EPG5: variants seen among roughly 807,000 people sequenced by gnomAD.
EPG5 encodes ectopic P-granules 5 autophagy tethering factor.
In EPG5, 159 loss-of-function variants were observed where a neutral mutation model predicts 302.7. The ratio of observed to expected loss-of-function variants is 0.53; its 90% CI spans 0.46 to 0.60. The LOEUF is 0.60. Among genes scored for constraint, EPG5 ranks in the 20% least tolerant of loss-of-function variants. EPG5 has a pLI of 0.00. For synonymous variants in EPG5, 1,158 were observed against 1,136.8 expected, an observed-to-expected ratio of 1.02 and a Z score of -0.37; for missense variants, 2,896 against 3,092.4, an observed-to-expected ratio of 0.94 and a Z score of 1.51.
At position 45,928,920 on chromosome 18, in the gene EPG5, T is replaced by C. The variant is rs2050336373; in HGVS notation, c.2502A>G (p.Ile834Met). Residue 834 changes from isoleucine to methionine, a missense_variant, in exon 13 of 44, where the codon ATA (isoleucine) becomes ATG (methionine). Physicochemically the swap from Ile to Met is conservative, Grantham distance 10 (BLOSUM62 1). Around this residue, in one of 5 missense-constraint regions of EPG5, gnomAD observed 1,390 missense variants for 1,430.0 expected, o/e 0.97. Coordinates refer to ENST00000282041, the MANE Select transcript of EPG5 (RefSeq NM_020964.3). The part of the protein sequence containing the change: ...LGTITAVHPE[I>M]ISVLLDRVQE... ...GAACTCTATCCAGAAGGACGGAAAT[T>C]ATCTCAGGGTGAACAGCTGTGATAG... 1.2e-6 allele frequency: 2 copies of C among 1,613,904 alleles called. No homozygotes were observed. Among genetic ancestry groups the C allele is most frequent in the Non-Finnish European group, 1.7e-6 (2 of 1,179,958 alleles).
the EPG5 span, among the ~76,000 whole-genome samples, chr18:45,810,819 A>T: frequency 6.6e-6 from 1 of 152,190 alleles, no homozygotes; most frequent in Non-Finnish European, 1.5e-5. Context: ...ATGATCCATG[A>T]TCAAGTGGAT....
intron 1 of EPG5, 89 bp downstream of exon 1, chr18:45,967,088 G>C: frequency 7.7e-7 from 1 of 1,295,092 alleles, no homozygotes. Flanking sequence ...CTCAGGGAAC[G>C]GGAGTAGAAT....
intron 9 of EPG5, 86 bp from the exon 10 acceptor site, chr18:45,939,841 A>C: frequency 7.8e-7 from 1 of 1,288,216 alleles, no homozygotes; most frequent in South Asian, 1.4e-5. Context: ...CATTTATTCA[A>C]CACATATTTA....
chr18:45,827,554 CTGCTGTT>C, the EPG5 span, among the ~76,000 whole-genome samples: 2 of 152,226 alleles, frequency 1.3e-5, no homozygotes, highest in African/African-American at 4.8e-5. Flanking sequence ...AAGCCCACCT[CTGCTGTT>C]TGCTGTTTAC....
chr18:45,964,944 ACT>A (rs2051218403), intron 1 of EPG5, among the ~76,000 whole-genome samples: 1 of 152,134 alleles, frequency 6.6e-6, no homozygotes, highest in African/African-American at 2.4e-5. Flanking sequence ...CAAAAGCGAA[ACT>A]CTGTCTCAAA....
the EPG5 span, among the ~76,000 whole-genome samples, chr18:45,813,961 T>A: frequency 6.6e-6 from 1 of 151,766 alleles, no homozygotes; most frequent in Admixed American, 6.6e-5. Flanking sequence ...ATTTAGAAAT[T>A]TGAAAAAAAA....
At chr18:45,838,358 C>G in the EPG5 span, among the ~76,000 whole-genome samples, 5 of 152,172 alleles carry the variant, frequency 3.3e-5, no homozygotes, top group Non-Finnish European at 7.4e-5. Context: ...ACCAGGGTCC[C>G]GTCCCTAGAG....
chr18:45,950,260 T>C (rs1430227529), intron 4 of EPG5, among the ~76,000 whole-genome samples: 2 of 152,216 alleles, frequency 1.3e-5, no homozygotes, highest in African/African-American at 4.8e-5. Context: ...CTTGGTGATA[T>C]GGTTTGGATG....
chr18:45,943,170 T>C lies in EPG5; in HGVS notation c.1934A>G (p.Tyr645Cys). Residue 645 changes from tyrosine to cysteine, a missense_variant, in exon 9 of 44, where the codon TAT becomes TGT. Physicochemically the swap from Tyr to Cys is radical, Grantham distance 194. Around this residue, in one of 5 missense-constraint regions of EPG5, gnomAD observed 1,390 missense variants for 1,430.0 expected, o/e 0.97. Transcript: ENST00000282041. The stretch of plus-strand genomic sequence containing the variant: ...GCAACAGCAGTATTACCTGATCATA[T>C]AACCAATTCGCTTCACAAACTGCCT... Reference protein sequence around the residue: ...RYRQFVKRIGYMIRMTLGYVS... With the variant: ...RYRQFVKRIGCMIRMTLGYVS... 16 of 1,614,150 alleles carry C rather than the reference T, an allele frequency of 9.9e-6. No individual in the cohort carries two copies. Among genetic ancestry groups the C allele is most frequent in the South Asian group, 2.2e-5 (2 of 91,086 alleles).
chr18:45,872,418 A>G (rs1025001865), intron 35 of EPG5, among the ~76,000 whole-genome samples: 6 of 152,220 alleles, frequency 3.9e-5, no homozygotes, highest in African/African-American at 1.4e-4. Flanking sequence ...AAAATGGCCA[A>G]CGAGGCTGTG....
chr18:45,843,054 A>T (rs2048338430), downstream of EPG5: 1 of 152,094 alleles, frequency 6.6e-6, no homozygotes, highest in Non-Finnish European at 1.5e-5. Context: ...TTGAGCTGGG[A>T]CCCCTAGGAA....
the EPG5 span, chr18:45,837,895 A>T: frequency 6.6e-7 from 1 of 1,509,370 alleles, no homozygotes; most frequent in East Asian, 2.8e-5. Context: ...TGCACGTGAC[A>T]GGCGAGGCGG....
chr18:45,942,003 C>T (rs1367075863), intron 9 of EPG5, among the ~76,000 whole-genome samples: 2 of 152,142 alleles, frequency 1.3e-5, no homozygotes, highest in African/African-American at 4.8e-5. Flanking sequence ...GCAGGCAGAT[C>T]ACTTGAGGTC....
In EPG5 at chr18:45,941,383, T is replaced by G. The variant is rs536124059; in HGVS notation, c.1944-1628A>C. 3.9e-5 allele frequency among the ~76,000 whole-genome samples: 6 copies of G among 152,308 alleles called. 1 individual carries two copies. The highest frequency in any genetic ancestry group is 1.4e-4 in the African/African-American group (6 of 41,564). ...TGGAGCACAAGGTTCATTAGAGATC[T>G]TCATCTGTAGGAGCTGTTTGGGTAG... On this transcript the variant is annotated intron_variant, in intron 9 of 43. Transcript: ENST00000282041.
chr18:45,866,540 A>T (rs1244982349), intron 38 of EPG5, among the ~76,000 whole-genome samples: 1 of 152,150 alleles, frequency 6.6e-6, no homozygotes, highest in Non-Finnish European at 1.5e-5. Context: ...CATTCAGATC[A>T]TGAAACCAGC....
At chr18:45,839,183 A>T in the EPG5 span, 13 of 1,324,556 alleles carry the variant, frequency 9.8e-6, no homozygotes, top group Admixed American at 4.2e-5. Context: ...ACCCCCTGGC[A>T]CTGCCAGAAT....
chr18:45,837,445 T>C, the EPG5 span: 17 of 1,416,034 alleles, frequency 1.2e-5, no homozygotes, highest in African/African-American at 2.2e-4. Context: ...TCGTGGGGTT[T>C]CCAGGCCCCG....
chr18:45,933,575 G>A (rs1193566601), intron 11 of EPG5, among the ~76,000 whole-genome samples: 1 of 151,998 alleles, frequency 6.6e-6, no homozygotes, highest in African/African-American at 2.4e-5. Context: ...CTACTCAGGA[G>A]GCTGAGCTAG....
At chr18:45,855,502 C>A in intron 43 of EPG5, 71 bp downstream of exon 43, 1 of 1,077,300 alleles carries the variant, frequency 9.3e-7, no homozygotes, top group Non-Finnish European at 1.4e-6. Flanking sequence ...GCACAGGCTA[C>A]GGCTGCCACC....
Sources: allele counts gnomAD v4.1 joint callset (sites outside exome capture counted in the v4.1 genomes callset), GRCh38; gene constraint gnomAD v4.1.1; regional missense constraint gnomAD v4.1.1; transcripts MANE v1.5; gene names NCBI Gene and HGNC (gene_info 2026-07-23, HGNC 2026-07-21).